Variants in DEUP1 observed in about 807,000 individuals in gnomAD.
DEUP1 encodes the protein coiled-coil domain containing 67.
A neutral mutation model predicts 87.4 loss-of-function variants in DEUP1; 82 were observed. That is an observed-to-expected ratio of 0.94 (90% CI 0.78 to 1.13). The LOEUF (loss-of-function observed/expected upper bound fraction) is 1.13, where lower values mean the gene tolerates loss of function less well. DEUP1 is among the 50% of genes most tolerant of loss of function. The probability of loss-of-function intolerance (pLI) is 0.00; values close to 1 mark genes in which losing one functional copy is unlikely to be tolerated. For missense variants in DEUP1, 663 were observed against 681.5 expected (o/e 0.97, Z 0.30); for synonymous variants, 214 against 222.7 (o/e 0.96, Z 0.35).
chr11:93,367,939 GTAA>G (rs1432752048), intron 5 of DEUP1, among the ~76,000 whole-genome samples: 2 of 152,224 alleles, frequency 1.3e-5, no homozygotes, highest in Non-Finnish European at 2.9e-5. Flanking sequence ...TGGTACAAAA[GTAA>G]TAAAGAGCCC....
At chr11:93,377,838 A>T (rs571451540) in intron 7 of DEUP1, among the ~76,000 whole-genome samples, 1 of 152,266 alleles carries the variant, frequency 6.6e-6, no homozygotes, top group East Asian at 1.9e-4. Context: ...TCTGGAAAAG[A>T]CTGTATCTTT....
chr11:93,427,917 C>CA (rs1178412140), intron 13 of DEUP1, among the ~76,000 whole-genome samples: 3 of 147,702 alleles, frequency 2.0e-5, no homozygotes, highest in African/African-American at 7.5e-5. Context: ...ATCAAAACCA[C>CA]AATGAGATAC....
chr11:93,332,163 T>A (rs1294778534), intron 1 of DEUP1, 53 bp from the exon 2 acceptor site: 2 of 1,207,844 alleles, frequency 1.7e-6, no homozygotes, highest in African/African-American at 3.0e-5. Flanking sequence ...TCATGTTTTA[T>A]AGGTTAAAGA....
At chr11:93,435,857 G>T (rs934778021) in intron 13 of DEUP1, among the ~76,000 whole-genome samples, 1 of 152,094 alleles carries the variant, frequency 6.6e-6, no homozygotes, top group African/African-American at 2.4e-5. Context: ...TTAGCCGGGA[G>T]TGGTGGCGGG....
intron 13 of DEUP1, among the ~76,000 whole-genome samples, chr11:93,419,449 G>T (rs1388134325): frequency 1.3e-5 from 2 of 152,172 alleles, no homozygotes; most frequent in African/African-American, 4.8e-5. Context: ...CAGTCATGGG[G>T]CTAATCAGAA....
intron 3 of DEUP1, among the ~76,000 whole-genome samples, chr11:93,356,514 T>A (rs1340039171): frequency 6.6e-6 from 1 of 152,224 alleles, no homozygotes; most frequent in Admixed American, 6.5e-5. Context: ...AATTTTCTTT[T>A]TCTTTTTAAT....
chr11:93,410,714 A>G (rs1239260843), intron 12 of DEUP1, among the ~76,000 whole-genome samples: 2 of 152,196 alleles, frequency 1.3e-5, no homozygotes, highest in Non-Finnish European at 2.9e-5. Flanking sequence ...ACAAAAAGAC[A>G]GTTACTCTGC....
intron 2 of DEUP1, among the ~76,000 whole-genome samples, chr11:93,342,226 C>T (rs1031038952): frequency 6.6e-6 from 1 of 152,088 alleles, no homozygotes; most frequent in Non-Finnish European, 1.5e-5. Flanking sequence ...GGCAGGTTAC[C>T]GGCTACCACT....
chr11:93,397,397 T>C (rs533697300), intron 11 of DEUP1, among the ~76,000 whole-genome samples: 32 of 152,212 alleles, frequency 2.1e-4, no homozygotes, highest in Non-Finnish European at 4.4e-4. Context: ...AAAAACTGTG[T>C]GTCATCTATG....
At chr11:93,392,553 T>C (rs899009352) in intron 9 of DEUP1, among the ~76,000 whole-genome samples, 8 of 152,178 alleles carry the variant, frequency 5.3e-5, no homozygotes, top group African/African-American at 1.7e-4. Flanking sequence ...TCAATTAAAC[T>C]TAAACAACAT....
In DEUP1 at chr11:93,377,016, TGA is replaced by T. The variant is rs200289417; in HGVS notation, c.789+5739_789+5740del. On this transcript the variant is annotated intron_variant, in intron 7 of 13. Transcript: ENST00000298050. The stretch of plus-strand genomic sequence containing the variant: ...ATAATTTCAGTTTTCTTAAATATGT[TGA>T]GACTTGTTTTGTAGCCTATCTTATG... Among the ~76,000 whole-genome samples the T allele has an allele frequency of 6.6e-5, 10 of 152,340 alleles. No homozygotes were observed. In the East Asian group the frequency reaches 1.9e-3, roughly 29 times the overall value.
At chr11:93,391,676 C>G (rs867347929) in intron 9 of DEUP1, among the ~76,000 whole-genome samples, 7 of 147,276 alleles carry the variant, frequency 4.8e-5, no homozygotes, top group Middle Eastern at 3.6e-3. Context: ...CCACTGCACT[C>G]CAGCCTGGGT....
At chr11:93,416,889 A>C (rs1051985737) in intron 13 of DEUP1, among the ~76,000 whole-genome samples, 4 of 152,190 alleles carry the variant, frequency 2.6e-5, no homozygotes, top group Non-Finnish European at 4.4e-5. Flanking sequence ...GCAAATCAAT[A>C]AATGTAATCC....
rs775488544 is a variant in DEUP1, at chr11:93,437,756, C to T, written c.*37C>T. 1.9e-6 allele frequency: 2 copies of T among 1,038,664 alleles called. No homozygotes were observed. The highest frequency in any genetic ancestry group is 2.3e-5 in the Admixed American group (1 of 44,114). 64.3% of individuals were successfully genotyped at this position (1,038,664 alleles called of 1,614,324 possible). ...TTTTTATTTGCTTCCCCCCCCCACC[C>T]CCGCCAAGAAAAAAAGCTCTGGCAA... On this transcript the variant is annotated 3_prime_UTR_variant, in exon 14 of 14. Coordinates refer to ENST00000298050, the MANE Select transcript of DEUP1 (RefSeq NM_181645.4).
chr11:93,391,707 CAAA>C (rs57417014), intron 9 of DEUP1, among the ~76,000 whole-genome samples: 210 of 78,124 alleles, frequency 2.7e-3, no homozygotes, highest in African/African-American at 8.5e-3. Flanking sequence ...GACTCCATCT[CAAA>C]AAAAAAAAAA....
intron 11 of DEUP1, among the ~76,000 whole-genome samples, chr11:93,404,511 G>T (rs1047828787): frequency 1.3e-5 from 2 of 151,914 alleles, no homozygotes; most frequent in Admixed American, 6.6e-5. Flanking sequence ...ATCCATTTAC[G>T]TACTGAAAAT....
At chr11:93,399,889 A>G (rs957952448) in intron 11 of DEUP1, among the ~76,000 whole-genome samples, 3 of 151,894 alleles carry the variant, frequency 2.0e-5, no homozygotes, top group Admixed American at 6.6e-5. Context: ...CTTGCTGGAA[A>G]GTTTTCTAGT....
At chr11:93,415,499 G>A (rs2608214) in intron 13 of DEUP1, among the ~76,000 whole-genome samples, 123,981 of 151,762 alleles carry the variant, frequency 0.82, 50,733 homozygotes, top group East Asian at 0.9. Flanking sequence ...TGACTCTGCC[G>A]TAAGTGTAGA....
chr11:93,416,829 C>T (rs1382330257), intron 13 of DEUP1, among the ~76,000 whole-genome samples: 1 of 151,842 alleles, frequency 6.6e-6, no homozygotes, highest in African/African-American at 2.4e-5. Flanking sequence ...AGCTTATCCA[C>T]CATGATCGAG....
Sources: gnomAD v4.1 joint callset for allele counts (sites outside exome capture counted in the v4.1 genomes callset) on GRCh38, gnomAD v4.1.1 for gene constraint, MANE v1.5 for transcripts, NCBI Gene and HGNC (gene_info 2026-07-23, HGNC 2026-07-21) for gene names.